The following SHROOM1 variants were observed in gnomAD, a reference collection of about 807,000 sequenced individuals.
SHROOM1 encodes protein Shroom1.
In SHROOM1, 53 loss-of-function variants were observed where a neutral mutation model predicts 64.2. That is an observed-to-expected ratio of 0.83 (90% CI 0.66 to 1.04). SHROOM1 has a LOEUF of 1.04. Among genes scored for constraint, SHROOM1 ranks in the 50% least tolerant of loss-of-function variants. The pLI, the probability that SHROOM1 is intolerant of heterozygous loss-of-function variation, is 0.00. For synonymous variants in SHROOM1, 490 were observed against 518.9 expected (o/e 0.94, Z 0.76); for missense variants, 1,179 against 1,163.2 (o/e 1.01, Z -0.20).
Position 132,825,958 on chromosome 5 carries a change from G to T in SHROOM1, c.183C>A (p.Asp61Glu). 6.8e-7 allele frequency: 1 copy of T among 1,467,864 alleles called. No homozygotes were observed. Among genetic ancestry groups the T allele is most frequent in the Non-Finnish European group, 9.0e-7 (1 of 1,105,390 alleles). The allele number at this position is 1,467,864 out of a possible 1,614,324, so 90.9% of individuals were successfully genotyped here. ...GGCCGCCCCAAACCACACGCACGTA[G>T]TCCCAGTCTAGGTAAGGAAGGAGGT... The part of the protein sequence containing the change: ...GTDLLPYLDW[D>E]YVRVVWGGPG... Residue 61 changes from aspartate (D) to glutamate (E), a missense_variant, in exon 4 of 10, where the codon GAC (aspartate) becomes GAA (glutamate). Asp to Glu is a conservative substitution (Grantham distance 45). Coordinates refer to ENST00000378679, the MANE Select transcript of SHROOM1 (RefSeq NM_001172700.2). The surrounding 1 kb of genome is among the most constrained non-coding windows in gnomAD (Gnocchi z 5.1).
chr5:132,826,884 C>G (rs1561452768), intron 2 of SHROOM1, among the ~76,000 whole-genome samples: 1 of 152,210 alleles, frequency 6.6e-6, no homozygotes, highest in Non-Finnish European at 1.5e-5. Flanking sequence ...CTCACTGCAG[C>G]CAGAATCAAT....
In SHROOM1 at chr5:132,825,747, G is replaced by A. The variant is rs571889238; in HGVS notation, c.394C>T (p.Pro132Ser). 1.6e-6 allele frequency: 2 copies of A among 1,261,012 alleles called. No homozygotes were observed. The highest frequency in any genetic ancestry group is 3.2e-5 in the East Asian group (1 of 31,020). The allele number at this position is 1,261,012 out of a possible 1,614,324, so 78.1% of individuals were successfully genotyped here. A position where few individuals can be genotyped will look rare whatever the true frequency, so the allele number is the denominator to read the frequency against. ...GCGGCCCTCGAGGCCGGCGGGCTGG[G>A]CGGCTCGGCAGCCTGCGCCGCGGCC... ...AEAAAQAAEP[P>S]SPPASRAAYR... is the part of the protein sequence containing the mutation. Residue 132 changes from proline (P) to serine (S), a missense_variant, in exon 4 of 10, where the codon CCC (proline) becomes TCC (serine). Coordinates refer to ENST00000378679, the MANE Select transcript of SHROOM1 (RefSeq NM_001172700.2). This position sits in a 1 kb window ranked among gnomAD's most constrained non-coding sequence, Gnocchi z 5.1.
chr5:132,824,985 C>G (rs775686151), intron 5 of SHROOM1, 33 bp downstream of exon 5: 5 of 1,611,954 alleles, frequency 3.1e-6, no homozygotes, highest in Non-Finnish European at 4.2e-6. Context: ...CTGCTTCCCC[C>G]CAACTTGGTC....
Position 132,824,840 on chromosome 5 carries a change from T to G in SHROOM1, c.1035-19A>C. ...CAAGAACCTGGAGGCAGGGACCCCA[T>G]AGTGACCACAGTGAAAGGAAGGAAG... On this transcript the variant is annotated intron_variant, in intron 5 of 9. Coordinates refer to ENST00000378679, the MANE Select transcript of SHROOM1 (RefSeq NM_001172700.2). 6.2e-7 allele frequency: 1 copy of G among 1,613,318 alleles called. No individual in the cohort carries two copies. The highest frequency in any genetic ancestry group is 8.5e-7 in the Non-Finnish European group (1 of 1,179,512).
Position 132,823,809 on chromosome 5 carries a change from C to A in SHROOM1, c.1811+41G>T. 1 of 1,530,216 alleles carries A rather than the reference C, an allele frequency of 6.5e-7. No homozygotes were observed. The highest frequency in any genetic ancestry group is 8.8e-7 in the Non-Finnish European group (1 of 1,139,128). The allele number at this position is 1,530,216 out of a possible 1,614,324, so 94.8% of individuals were successfully genotyped here. Reference sequence around the variant, plus strand: ...TCCCTGGGTTTCCTGTCCCCAACTTCAGGGGCTCAGTGTCCAGATTCCCTA... The same window carrying A: ...TCCCTGGGTTTCCTGTCCCCAACTTAAGGGGCTCAGTGTCCAGATTCCCTA... On this transcript the variant is annotated intron_variant, in intron 7 of 9. Coordinates refer to ENST00000378679, the MANE Select transcript of SHROOM1 (RefSeq NM_001172700.2). The surrounding 1 kb of genome is among the most constrained non-coding windows in gnomAD (Gnocchi z 4.6).
Position 132,826,004 on chromosome 5 carries a change from C to A in SHROOM1, c.137G>T (p.Arg46Leu). The A allele has an allele frequency of 6.5e-7, 1 of 1,531,008 alleles. No individual in the cohort carries two copies. The highest frequency in any genetic ancestry group is 8.8e-7 in the Non-Finnish European group (1 of 1,139,558). 94.8% of individuals were successfully genotyped at this position (1,531,008 alleles called of 1,614,324 possible). ...GAGGTCTGTCCCCGGCGACTGCGTGCGCGGCTCGGGGCCGCCGGAGGCTGC... is the reference window on the plus strand; with the variant it reads ...GAGGTCTGTCCCCGGCGACTGCGTGAGCGGCTCGGGGCCGCCGGAGGCTGC... ...FSAASGGPEP[R>L]TQSPGTDLLP... Residue 46 changes from arginine (R) to leucine (L), a missense_variant, in exon 4 of 10, where the codon CGC becomes CTC. Coordinates refer to ENST00000378679, the MANE Select transcript of SHROOM1 (RefSeq NM_001172700.2).
In SHROOM1 at chr5:132,824,779, C is replaced by G; in HGVS notation, c.1077G>C (p.Glu359Asp). ...TGTCAGCAGGGCTGCTCTGGGGTAA[C>G]TCTGCAGGATACATCACCGCAGCCT... ...QKEAAVMYPA[E>D]LPQSSPADSE... Residue 359 changes from glutamate (E) to aspartate (D), a missense_variant, in exon 6 of 10, where the codon GAG becomes GAC. Physicochemically the swap from Glu to Asp is conservative, Grantham distance 45. Coordinates refer to ENST00000378679, the MANE Select transcript of SHROOM1 (RefSeq NM_001172700.2). The G allele has an allele frequency of 6.2e-7, 1 of 1,614,090 alleles. No individual in the cohort carries two copies. Among genetic ancestry groups the G allele is most frequent in the East Asian group, 2.2e-5 (1 of 44,878 alleles).
chr5:132,830,576 C>CCCG lies in SHROOM1; in HGVS notation c.-501+15_-501+17dup. The CCCG allele has an allele frequency of 1.0e-6, 1 of 985,658 alleles. No individual in the cohort carries two copies. The highest frequency in any genetic ancestry group is 1.2e-6 in the Non-Finnish European group (1 of 829,914). 61.1% of individuals were successfully genotyped at this position (985,658 alleles called of 1,614,324 possible). A position where few individuals can be genotyped will look rare whatever the true frequency, so the allele number is the denominator to read the frequency against. On this transcript the variant is annotated intron_variant, in intron 1 of 9. Coordinates refer to ENST00000378679, the MANE Select transcript of SHROOM1 (RefSeq NM_001172700.2). The surrounding 1 kb of genome is among the most constrained non-coding windows in gnomAD (Gnocchi z 5.9). ...GACCCAGCCGCCCGCTTCCCGCTCC[C>CCCG]CCGCCCCCGCCGCGTACCTGAGGCT...
Position 132,823,685 on chromosome 5 carries a change from C to T in SHROOM1, c.1891G>A (p.Val631Met). The change falls in exon 8 of 10, where the codon GTG (valine) becomes ATG (methionine). Residue 631 changes from valine to methionine, a missense_variant. Physicochemically the swap from Val to Met is conservative, Grantham distance 21 (BLOSUM62 1). Coordinates refer to ENST00000378679, the MANE Select transcript of SHROOM1 (RefSeq NM_001172700.2). This position sits in a 1 kb window ranked among gnomAD's most constrained non-coding sequence, Gnocchi z 4.6. ...TRLENPATHP[V>M]LDQPCGQGLP... ...CCCTGCCCACATGGCTGGTCAAGCA[C>T]AGGGTGGGTGGCAGGGTTTTCAAGC... is the stretch of plus-strand genomic sequence containing the variant. 3 of 1,612,284 alleles carry T rather than the reference C, an allele frequency of 1.9e-6. No homozygotes were observed. Among genetic ancestry groups the T allele is most frequent in the Non-Finnish European group, 2.5e-6 (3 of 1,179,258 alleles).
rs1475007503 is a variant in SHROOM1 at position 132,830,450 on chromosome 5, G to T, written c.-501+144C>A. 2.0e-6 allele frequency: 2 copies of T among 984,864 alleles called. No homozygotes were observed. Among genetic ancestry groups the T allele is most frequent in the African/African-American group, 3.5e-5 (2 of 57,084 alleles). 61.0% of individuals were successfully genotyped at this position (984,864 alleles called of 1,614,324 possible). A position where few individuals can be genotyped will look rare whatever the true frequency, so the allele number is the denominator to read the frequency against. ...CCTGACGCGGCGCCGAGCCAGACAC[G>T]TCCCGGCCGAACGATGCCCGGGCTG... On this transcript the variant is annotated intron_variant, in intron 1 of 9. Transcript: ENST00000378679. This position sits in a 1 kb window ranked among gnomAD's most constrained non-coding sequence, Gnocchi z 5.9.
chr5:132,830,298 C>T lies in SHROOM1; in HGVS notation c.-501+296G>A, dbSNP rs1032672570. On this transcript the variant is annotated intron_variant, in intron 1 of 9. Transcript: ENST00000378679. This position sits in a 1 kb window ranked among gnomAD's most constrained non-coding sequence, Gnocchi z 5.9. ...TGGCGGAGTGAGACCGCGCTGCCCG[C>T]CGGCGCCACACGCGGCGCGCCCAGC... The T allele has an allele frequency of 3.0e-6, 3 of 985,124 alleles. No homozygotes were observed. In the African/African-American group the frequency reaches 5.2e-5, roughly 17 times the overall value. 61.0% of individuals were successfully genotyped at this position (985,124 alleles called of 1,614,324 possible).
In SHROOM1 at chr5:132,825,689, C is replaced by G; in HGVS notation, c.452G>C (p.Arg151Pro). 7.4e-7 allele frequency: 1 copy of G among 1,345,598 alleles called. No individual in the cohort carries two copies. Among genetic ancestry groups the G allele is most frequent in the South Asian group, 2.0e-5 (1 of 49,008 alleles). 83.4% of individuals were successfully genotyped at this position (1,345,598 alleles called of 1,614,324 possible). Residue 151 changes from arginine to proline, a missense_variant, in exon 4 of 10, where the codon CGA becomes CCA. Transcript: ENST00000378679. This position sits in a 1 kb window ranked among gnomAD's most constrained non-coding sequence, Gnocchi z 5.1. Reference protein sequence around the residue: ...YRQRLQGAQRRVLRETSFQRK... With the variant: ...YRQRLQGAQRPVLRETSFQRK... ...CTGGAACGACGTCTCCCGGAGCACT[C>G]GCCGCTGCGCGCCCTGAAGCCGCTG...
rs187709328 is a variant in SHROOM1, at chr5:132,830,024, G to A, written c.-501+570C>T. On this transcript the variant is annotated intron_variant, in intron 1 of 9. Transcript: ENST00000378679. The surrounding 1 kb of genome is among the most constrained non-coding windows in gnomAD (Gnocchi z 5.9). ...GGCGGCCGCGGGCGTGGACAGACCC[G>A]GTTACCTGGGGTTCAATCTCTGGGA... The A allele has an allele frequency of 1.5e-3, 1,527 of 985,414 alleles. 8 individuals are homozygous for A. Among genetic ancestry groups the A allele is most frequent in the Middle Eastern group, 4.2e-3 (8 of 1,914 alleles). The allele number at this position is 985,414 out of a possible 1,614,324, so 61.0% of individuals were successfully genotyped here.
rs1161160054 is a variant in SHROOM1 at position 132,830,180 on chromosome 5, C to A, written c.-501+414G>T. On this transcript the variant is annotated intron_variant, in intron 1 of 9. Coordinates refer to ENST00000378679, the MANE Select transcript of SHROOM1 (RefSeq NM_001172700.2). This position sits in a 1 kb window ranked among gnomAD's most constrained non-coding sequence, Gnocchi z 5.9. ...GGGCCTTTCCCGTTGGGTTCACCGT[C>A]GGGGAAGGATCGCGCGCAGGGGACA... 1.0e-6 allele frequency: 1 copy of A among 985,172 alleles called. No individual in the cohort carries two copies. Among genetic ancestry groups the A allele is most frequent in the Non-Finnish European group, 1.2e-6 (1 of 829,878 alleles). 61.0% of individuals were successfully genotyped at this position (985,172 alleles called of 1,614,324 possible).
Position 132,824,245 on chromosome 5 carries a change from A to G in SHROOM1, c.1416T>C (p.Thr472=). 12 of 1,614,112 alleles carry G rather than the reference A, an allele frequency of 7.4e-6. No individual in the cohort carries two copies. The highest frequency in any genetic ancestry group is 1.0e-5 in the Non-Finnish European group (12 of 1,180,002). ...GISRPTSHTP[T]GTANDNIPTI... ...TTGGGATGTTATCATTTGCAGTCCCAGTGGGGGTGTGGCTTGTGGGCCTGG... is the reference window on the plus strand; with the variant it reads ...TTGGGATGTTATCATTTGCAGTCCCGGTGGGGGTGTGGCTTGTGGGCCTGG... Residue 472 remains threonine (T), a synonymous_variant, in exon 7 of 10, where the codon ACT becomes ACC. Transcript: ENST00000378679.
chr5:132,829,744 T>A (rs1758795454), intron 1 of SHROOM1: 1 of 985,254 alleles, frequency 1.0e-6, no homozygotes, highest in Non-Finnish European at 1.2e-6. Context: ...CTGGACCACG[T>A]CTCAAAACCC....
At position 132,825,071 on chromosome 5, in the gene SHROOM1, AG is replaced by A. The variant is rs755330264; in HGVS notation, c.980del (p.Ala327ValfsTer28). The A allele has an allele frequency of 1.9e-5, 30 of 1,613,950 alleles. No homozygotes were observed. Among genetic ancestry groups the A allele is most frequent in the Non-Finnish European group, 2.5e-5 (29 of 1,180,016 alleles). ...TGGGGGTTTCTGCTCCTTGGGGAAC[AG>A]CCTGGAAGGGTGAACAGTCGACTGA... ...GSGGTIPIVQAVPQGAETPRP... is the reference protein window; with the variant it reads ...GSGGTIPIVQXVPQGAETPRP... On this transcript the variant is annotated frameshift_variant and splice_region_variant, in exon 5 of 10. Coordinates refer to ENST00000378679, the MANE Select transcript of SHROOM1 (RefSeq NM_001172700.2). LOFTEE classifies it high-confidence loss of function. The surrounding 1 kb of genome is among the most constrained non-coding windows in gnomAD (Gnocchi z 5.1).
Position 132,825,535 on chromosome 5 carries a change from C to T in SHROOM1, c.606G>A (p.Arg202=). 3 of 1,444,568 alleles carry T rather than the reference C, an allele frequency of 2.1e-6. No homozygotes were observed. In the South Asian group the frequency reaches 4.4e-5, roughly 21 times the overall value. 89.5% of individuals were successfully genotyped at this position (1,444,568 alleles called of 1,614,324 possible). A position where few individuals can be genotyped will look rare whatever the true frequency, so the allele number is the denominator to read the frequency against. The part of the protein sequence containing the change: ...PGGEGEPARS[R]APAPGTAGRG... ...GGCCGGCAGTTCCTGGCGCGGGAGC[C>T]CGGGAGCGCGCCGGCTCCCCCTCCC... The change falls in exon 4 of 10, where the codon CGG becomes CGA. Residue 202 remains arginine, a synonymous_variant. Transcript: ENST00000378679. This position sits in a 1 kb window ranked among gnomAD's most constrained non-coding sequence, Gnocchi z 5.1.
Position 132,824,093 on chromosome 5 carries a change from G to A in SHROOM1, c.1568C>T (p.Ala523Val). Residue 523 changes from alanine (A) to valine (V), a missense_variant, in exon 7 of 10, where the codon GCC becomes GTC. Transcript: ENST00000378679. Reference sequence around the variant, plus strand: ...AGGCTGGCCAGTGCCCCTGGCTAGGGCAGTATTGTGAGAGGGACCTGGAGT... The same window carrying A: ...AGGCTGGCCAGTGCCCCTGGCTAGGACAGTATTGTGAGAGGGACCTGGAGT... ...NDTPGPSHNT[A>V]LARGTGQPGS... is the part of the protein sequence containing the mutation. 5 of 1,613,996 alleles carry A rather than the reference G, an allele frequency of 3.1e-6. No individual in the cohort carries two copies. Among genetic ancestry groups the A allele is most frequent in the Non-Finnish European group, 4.2e-6 (5 of 1,179,964 alleles).
Sources: gnomAD v4.1 joint callset for allele counts (sites outside exome capture counted in the v4.1 genomes callset) on GRCh38, gnomAD v4.1.1 for gene constraint, Gnocchi (gnomAD v3.1) non-coding constraint, MANE v1.5 for transcripts, NCBI Gene and HGNC (gene_info 2026-07-23, HGNC 2026-07-21) for gene names.